The following ADSS1 variants were observed in gnomAD, a reference collection of about 807,000 sequenced individuals.
ADSS1 encodes the protein adenylosuccinate synthase 1, also known as adenylosuccinate synthetase isozyme 1.
ADSS1 carries 57 observed loss-of-function variants against 59.1 expected under a neutral mutation model. That is an observed-to-expected ratio of 0.97 (90% CI 0.78 to 1.20). The LOEUF (loss-of-function observed/expected upper bound fraction) is 1.20. Ranked by LOEUF, ADSS1 falls within the 50% of genes most tolerant of loss-of-function variation. The pLI is 0.00. For missense variants in ADSS1, 603 were observed against 610.3 expected (o/e 0.99, Z 0.13); for synonymous variants, 247 against 249.4 (o/e 0.99, Z 0.09).
rs79207846 is a variant in ADSS1 at position 104,738,479 on chromosome 14, G to A, written c.358+41G>A. 6.8e-3 allele frequency: 10,902 copies of A among 1,604,960 alleles called. 1,105 individuals carry two copies. In the East Asian group the frequency reaches 0.21, roughly 31 times the overall value. ...TGCAGACTTGCCCTGTCCCAGACGC[G>A]GTGCCCTGAGCGGTTGTTGGCTGGA... On this transcript the variant is annotated intron_variant, in intron 3 of 12. Transcript: ENST00000330877.
chr14:104,743,654 G>A (rs1267397534), intron 10 of ADSS1: 1 of 171,114 alleles, frequency 5.8e-6, no homozygotes, highest in African/African-American at 2.4e-5. Flanking sequence ...TTGTGTGAGG[G>A]GTGGGCTCAC....
chr14:104,744,836 C>T lies in ADSS1; in HGVS notation c.1098C>T (p.Ile366=). Residue 366 remains isoleucine, a synonymous_variant, in exon 11 of 13, where the codon ATC becomes ATT. Coordinates refer to ENST00000330877, the MANE Select transcript of ADSS1 (RefSeq NM_152328.5). The part of the protein sequence containing the change: ...FTALALTKLD[I]LDVLGEVKVG... ...GGCTGGCCCTGACGAAGCTGGACAT[C>T]CTGGACGTACTGGGTGAGGTTAAAG... is the stretch of plus-strand genomic sequence containing the variant. 1 of 1,614,162 alleles carries T rather than the reference C, an allele frequency of 6.2e-7. No homozygotes were observed. Among genetic ancestry groups the T allele is most frequent in the South Asian group, 1.1e-5 (1 of 91,078 alleles).
chr14:104,744,627 C>T, intron 10 of ADSS1, 185 bp from the exon 11 acceptor site: 2 of 590,998 alleles, frequency 3.4e-6, no homozygotes, highest in Non-Finnish European at 6.1e-6. Context: ...GTAATGCTAG[C>T]TTGCCCGCCA....
intron 2 of ADSS1, 124 bp from the exon 3 acceptor site, chr14:104,738,252 C>T: frequency 3.2e-6 from 3 of 926,814 alleles, no homozygotes; most frequent in Non-Finnish European, 5.0e-6. Context: ...CCTGCCTCAG[C>T]CTCCCAAAGT....
chr14:104,732,408 CT>C (rs1890963813), intron 1 of ADSS1, among the ~76,000 whole-genome samples: 2 of 152,228 alleles, frequency 1.3e-5, no homozygotes, highest in Non-Finnish European at 2.9e-5. Flanking sequence ...GGAGGACAGA[CT>C]GGTGTCTCTC....
chr14:104,728,730 G>A (rs912281420), intron 1 of ADSS1, among the ~76,000 whole-genome samples: 7 of 152,216 alleles, frequency 4.6e-5, no homozygotes, highest in African/African-American at 1.4e-4. Context: ...CTCCCCCTGC[G>A]CTTGCCACTC....
intron 1 of ADSS1, among the ~76,000 whole-genome samples, chr14:104,730,999 C>T (rs1319541285): frequency 1.5e-5 from 2 of 133,260 alleles, no homozygotes; most frequent in Admixed American, 1.7e-4. Context: ...GGGCTCAGAG[C>T]TGTGTCCTGA....
In ADSS1 at chr14:104,743,154, A is replaced by G; in HGVS notation, c.1036A>G (p.Ile346Val). Reference sequence around the variant, plus strand: ...GCGCTGCGGCTGGCTCGACCTGATGATTCTAAGATATGCTCACATGGTCAA... The same window carrying G: ...GCGCTGCGGCTGGCTCGACCTGATGGTTCTAAGATATGCTCACATGGTCAA... ...KRRCGWLDLMILRYAHMVNGF... is the reference protein window; with the variant it reads ...KRRCGWLDLMVLRYAHMVNGF... The change falls in exon 10 of 13, where the codon ATT (isoleucine) becomes GTT (valine). Residue 346 changes from isoleucine to valine, a missense_variant. Transcript: ENST00000330877. 6.2e-7 allele frequency: 1 copy of G among 1,612,366 alleles called. No homozygotes were observed. The highest frequency in any genetic ancestry group is 8.5e-7 in the Non-Finnish European group (1 of 1,180,000).
intron 11 of ADSS1, chr14:104,745,251 T>G: frequency 3.6e-6 from 1 of 280,888 alleles, no homozygotes; most frequent in South Asian, 4.8e-5. Flanking sequence ...CACACAGGAG[T>G]TAGTGGATGC....
At chr14:104,738,289 C>T (rs1891200951) in intron 2 of ADSS1, 87 bp from the exon 3 acceptor site, 2 of 1,426,074 alleles carry the variant, frequency 1.4e-6, no homozygotes, top group Non-Finnish European at 2.0e-6. Context: ...TGAGCCACCG[C>T]ACCCACCCAT....
chr14:104,736,890 A>ATATATATATATATATATG (rs1891150342), intron 2 of ADSS1, among the ~76,000 whole-genome samples: 2 of 47,778 alleles, frequency 4.2e-5, no homozygotes, highest in Non-Finnish European at 7.3e-5. Flanking sequence ...TGATATATAT[A>ATATATATATATATATATG]TATATATATA....
rs553526202 is a variant in ADSS1, at chr14:104,741,942, C to T, written c.888C>T (p.Gly296=). The change falls in exon 9 of 13, where the codon GGC becomes GGT. Residue 296 remains glycine (G), a synonymous_variant. Transcript: ENST00000330877. ...IPPQNIGDVY[G]VVKAYTTRVG... is the part of the protein sequence containing the mutation. ...CGCAGAACATAGGTGACGTGTATGG[C>T]GTGGTGAAAGCCTATACCACACGTG... is the stretch of plus-strand genomic sequence containing the variant. 6.8e-6 allele frequency: 11 copies of T among 1,613,468 alleles called. No homozygotes were observed. The highest frequency in any genetic ancestry group is 4.4e-5 in the South Asian group (4 of 91,088).
rs147505176 is a variant in ADSS1 at position 104,737,928 on chromosome 14, T to C, written c.296-448T>C. ...CATTCATCTGTCAATGGACAGCTCT[T>C]GGCTACTCTGAATAATGCTGCTATG... On this transcript the variant is annotated intron_variant, in intron 2 of 12. Coordinates refer to ENST00000330877, the MANE Select transcript of ADSS1 (RefSeq NM_152328.5). 2.8e-3 allele frequency: 510 copies of C among 181,010 alleles called. 3 individuals carry two copies. The highest frequency in any genetic ancestry group is 0.012 in the African/African-American group (487 of 41,994). 11.2% of individuals were successfully genotyped at this position (181,010 alleles called of 1,614,324 possible).
chr14:104,746,237 T>C lies in ADSS1; in HGVS notation c.1173T>C (p.Ala391=). The C allele has an allele frequency of 6.2e-7, 1 of 1,606,576 alleles. No individual in the cohort carries two copies. Among genetic ancestry groups the C allele is most frequent in the Non-Finnish European group, 8.5e-7 (1 of 1,174,274 alleles). The change falls in exon 12 of 13, where the codon GCT becomes GCC. Residue 391 remains alanine (A), a splice_region_variant and synonymous_variant. Transcript: ENST00000330877. The part of the protein sequence containing the change: ...LNGKRIPYFP[A]NQEMLQKVEV... ...TCATCTCCTGTGTGCTTCCCCCAGC[T>C]AACCAGGAGATGCTTCAGAAGGTCG...
At chr14:104,728,022 G>A (rs924116287) in intron 1 of ADSS1, among the ~76,000 whole-genome samples, 2 of 152,220 alleles carry the variant, frequency 1.3e-5, no homozygotes, top group African/African-American at 2.4e-5. Context: ...GCCAGCAGAC[G>A]GGTGGAAAGC....
intron 2 of ADSS1, among the ~76,000 whole-genome samples, chr14:104,735,603 G>T (rs913216381): frequency 3.3e-5 from 5 of 152,194 alleles, no homozygotes; most frequent in Admixed American, 1.3e-4. Context: ...CTCTTGCCTG[G>T]GCTGCTGTGG....
At chr14:104,734,208 G>A (rs1891035314) in intron 1 of ADSS1, among the ~76,000 whole-genome samples, 1 of 152,204 alleles carries the variant, frequency 6.6e-6, no homozygotes, top group South Asian at 2.1e-4. Context: ...TATCCATCAT[G>A]CCACCAGCCC....
At chr14:104,734,172 C>T (rs1028083587) in intron 1 of ADSS1, among the ~76,000 whole-genome samples, 6 of 152,222 alleles carry the variant, frequency 3.9e-5, no homozygotes, top group South Asian at 2.1e-4. Flanking sequence ...CCCTATCAGC[C>T]GTGCCTTGGG....
Position 104,740,796 on chromosome 14 carries a change from C to T in ADSS1, c.585-43C>T, listed in dbSNP as rs746605039. The T allele has an allele frequency of 3.1e-6, 5 of 1,612,362 alleles. No homozygotes were observed. Among genetic ancestry groups the T allele is most frequent in the African/African-American group, 1.3e-5 (1 of 74,378 alleles). ...TAGTGGGGAGGGCCCTGAGGACCAG[C>T]ATGGACCATGACAGGGGGTGATGAT... On this transcript the variant is annotated intron_variant, in intron 6 of 12. Transcript: ENST00000330877. The surrounding 1 kb of genome is among the most constrained non-coding windows in gnomAD (Gnocchi z 4.8).
Sources: gnomAD v4.1 joint callset for allele counts (sites outside exome capture counted in the v4.1 genomes callset) on GRCh38, gnomAD v4.1.1 for gene constraint, Gnocchi (gnomAD v3.1) non-coding constraint, MANE v1.5 for transcripts, NCBI Gene and HGNC (gene_info 2026-07-23, HGNC 2026-07-21) for gene names.